TMEM132C: variants seen among roughly 807,000 people sequenced by gnomAD.
TMEM132C encodes transmembrane protein 132C.
TMEM132C carries 29 observed loss-of-function variants against 61.4 expected under a neutral mutation model. The observed-to-expected ratio is 0.47, with a 90% CI of 0.35 to 0.64. TMEM132C has a LOEUF of 0.64. Among genes scored for constraint, TMEM132C ranks in the 30% least tolerant of loss-of-function variants. The pLI is 0.00. For missense variants in TMEM132C, 1,408 were observed against 1,476.9 expected (o/e 0.95, Z 0.76); for synonymous variants, 656 against 633.1 (o/e 1.04, Z -0.54).
intron 2 of TMEM132C, among the ~76,000 whole-genome samples, chr12:128,505,764 G>A (rs1872336162): frequency 6.6e-6 from 1 of 152,168 alleles, no homozygotes; most frequent in Non-Finnish European, 1.5e-5. Context: ...GTGATGAACT[G>A]GATGAATGAG....
At chr12:128,639,376 G>A (rs1243743050) in intron 4 of TMEM132C, among the ~76,000 whole-genome samples, 2 of 151,842 alleles carry the variant, frequency 1.3e-5, no homozygotes, top group Admixed American at 1.3e-4. Flanking sequence ...GGTGATAATG[G>A]TAGTGGTAAA....
intron 1 of TMEM132C, among the ~76,000 whole-genome samples, chr12:128,384,532 G>T (rs994435038): frequency 1.3e-5 from 2 of 152,200 alleles, no homozygotes; most frequent in Non-Finnish European, 2.9e-5. Flanking sequence ...AGCAAAGCAA[G>T]CCCGTGATGG....
At chr12:128,624,010 C>T (rs1442155469) in intron 4 of TMEM132C, among the ~76,000 whole-genome samples, 1 of 152,112 alleles carries the variant, frequency 6.6e-6, no homozygotes, top group Non-Finnish European at 1.5e-5. Flanking sequence ...AGGAGGAGGG[C>T]CCAGGAGGGA....
intron 4 of TMEM132C, among the ~76,000 whole-genome samples, chr12:128,617,327 T>C (rs1056604968): frequency 1.3e-5 from 2 of 152,210 alleles, no homozygotes; most frequent in Non-Finnish European, 2.9e-5. Flanking sequence ...GCTGGCTTCT[T>C]CACAGCATCA....
intron 1 of TMEM132C, among the ~76,000 whole-genome samples, chr12:128,291,109 G>A (rs539795615): frequency 3.3e-5 from 5 of 152,132 alleles, no homozygotes; most frequent in Admixed American, 1.3e-4. Context: ...TGGATGACCC[G>A]AGCAGCACAG....
chr12:128,637,399 G>T (rs1954112523), intron 4 of TMEM132C, among the ~76,000 whole-genome samples: 1 of 152,200 alleles, frequency 6.6e-6, no homozygotes, highest in Admixed American at 6.5e-5. Flanking sequence ...AAATCACACA[G>T]CTTGTAAGGA....
At chr12:128,702,964 C>G (rs971851136) in intron 8 of TMEM132C, among the ~76,000 whole-genome samples, 3 of 151,988 alleles carry the variant, frequency 2.0e-5, no homozygotes, top group Admixed American at 6.6e-5. Context: ...AGCTACTTGA[C>G]TTTTTCAGCA....
intron 1 of TMEM132C, among the ~76,000 whole-genome samples, chr12:128,341,881 G>T (rs1872986575): frequency 6.6e-6 from 1 of 152,142 alleles, no homozygotes; most frequent in South Asian, 2.1e-4. Context: ...CTGGTGATTT[G>T]AGTTATTCCA....
chr12:128,557,513 C>T (rs1874369986), intron 3 of TMEM132C, among the ~76,000 whole-genome samples: 2 of 152,176 alleles, frequency 1.3e-5, no homozygotes, highest in Admixed American at 1.3e-4. Flanking sequence ...AGAGACCCTG[C>T]CTTACCAAGA....
intron 3 of TMEM132C, among the ~76,000 whole-genome samples, chr12:128,602,565 C>G (rs570306007): frequency 6.6e-6 from 1 of 152,212 alleles, no homozygotes; most frequent in Non-Finnish European, 1.5e-5. Context: ...ACGATTCCAT[C>G]GTTTAGCCCT....
intron 2 of TMEM132C, among the ~76,000 whole-genome samples, chr12:128,506,061 A>G (rs1302169899): frequency 6.6e-6 from 1 of 152,218 alleles, no homozygotes; most frequent in East Asian, 1.9e-4. Flanking sequence ...TTCTGTATCA[A>G]GCCTGGATAT....
At position 128,666,075 on chromosome 12, in the gene TMEM132C, A is replaced by ACAGG. The variant is rs1555241632; in HGVS notation, c.1306-3339_1306-3336dup. On this transcript the variant is annotated intron_variant, in intron 4 of 8. Transcript: ENST00000435159. ...AACACAGGCACTCATACACAAACACACAGGCACACACACACAGGCACACAT... is the reference window on the plus strand; with the variant it reads ...AACACAGGCACTCATACACAAACACACAGGCAGGCACACACACACAGGCACACAT... Among the ~76,000 whole-genome samples the ACAGG allele has an allele frequency of 3.1e-5, 3 of 95,512 alleles. No individual in the cohort carries two copies. In the South Asian group the frequency reaches 1.0e-3, roughly 33 times the overall value. The allele number at this position is 95,512 out of a possible 152,430, so 62.7% of individuals were successfully genotyped here.
chr12:128,429,771 T>C (rs1409864822), intron 2 of TMEM132C, among the ~76,000 whole-genome samples: 2 of 152,232 alleles, frequency 1.3e-5, no homozygotes, highest in African/African-American at 4.8e-5. Flanking sequence ...GATAACACAC[T>C]GGCAGAAAGA....
chr12:128,502,904 C>G (rs1161289451), intron 2 of TMEM132C, among the ~76,000 whole-genome samples: 4 of 152,232 alleles, frequency 2.6e-5, no homozygotes, highest in East Asian at 1.9e-4. Context: ...ATAGAATGCT[C>G]CATCTGCTCT....
At chr12:128,506,050 CT>C (rs1383010391) in intron 2 of TMEM132C, among the ~76,000 whole-genome samples, 1 of 152,190 alleles carries the variant, frequency 6.6e-6, no homozygotes, top group Non-Finnish European at 1.5e-5. Context: ...TGGTTTTGTT[CT>C]TCTGTATCAA....
At chr12:128,314,360 C>T (rs915258065) in intron 1 of TMEM132C, among the ~76,000 whole-genome samples, 4 of 152,074 alleles carry the variant, frequency 2.6e-5, no homozygotes, top group Non-Finnish European at 4.4e-5. Flanking sequence ...GCCTTCTATT[C>T]GAGGCTGTTC....
At chr12:128,665,811 A>ATT (rs1954458826) in intron 4 of TMEM132C, among the ~76,000 whole-genome samples, 2 of 126,996 alleles carry the variant, frequency 1.6e-5, no homozygotes. Context: ...ATTCACAGGC[A>ATT]CACACACATT....
In TMEM132C at chr12:128,393,697, C is replaced by G. The variant is rs192327748; in HGVS notation, c.86-21035C>G. On this transcript the variant is annotated intron_variant, in intron 1 of 8. Coordinates refer to ENST00000435159, the MANE Select transcript of TMEM132C (RefSeq NM_001136103.3). ...CGAGGTGCCAAGGGGGACCCAGTTC[C>G]TGCTGTTATTCCATTCAGTTATCCT... 8.0e-4 allele frequency among the ~76,000 whole-genome samples: 121 copies of G among 150,944 alleles called. 1 individual carries two copies. Among genetic ancestry groups the G allele is most frequent in the African/African-American group, 2.6e-3 (109 of 41,256 alleles).
In TMEM132C at chr12:128,384,176, T is replaced by C. The variant is rs151280762; in HGVS notation, c.86-30556T>C. Among the ~76,000 whole-genome samples the C allele has an allele frequency of 6.8e-3, 1,039 of 152,270 alleles. 3 individuals are homozygous for C. Among genetic ancestry groups the C allele is most frequent in the Middle Eastern group, 0.017 (5 of 294 alleles). On this transcript the variant is annotated intron_variant, in intron 1 of 8. Coordinates refer to ENST00000435159, the MANE Select transcript of TMEM132C (RefSeq NM_001136103.3). ...TCATTAGAGGAGCTGAAGTCTGACC[T>C]TCTCCTTCTTGACAGACAAAGGAGA...
Sources: allele counts gnomAD v4.1 joint callset (sites outside exome capture counted in the v4.1 genomes callset), GRCh38; gene constraint gnomAD v4.1.1; transcripts MANE v1.5; gene names NCBI Gene and HGNC (gene_info 2026-07-23, HGNC 2026-07-21).